The following RAD54L2 variants were observed in gnomAD, a reference collection of about 807,000 sequenced individuals.
RAD54L2 encodes the protein RAD54 like 2, also known as helicase ARIP4.
In RAD54L2, 27 loss-of-function variants were observed where a neutral mutation model predicts 138.4. The ratio of observed to expected loss-of-function variants is 0.20; its 90% CI spans 0.14 to 0.27. The LOEUF (loss-of-function observed/expected upper bound fraction) is 0.27, where lower values mean the gene tolerates loss of function less well. Ranked by LOEUF, RAD54L2 falls within the 10% of genes least tolerant of loss-of-function variation. The probability of loss-of-function intolerance (pLI) is 1.00; values close to 1 mark genes in which losing one functional copy is unlikely to be tolerated. For missense variants in RAD54L2, 1,396 were observed against 1,890.2 expected (o/e 0.74, Z 4.85); for synonymous variants, 644 against 723.2 (o/e 0.89, Z 1.76).
intron 3 of RAD54L2, among the ~76,000 whole-genome samples, chr3:51,623,800 C>T (rs974659556): frequency 6.6e-6 from 1 of 151,522 alleles, no homozygotes; most frequent in Non-Finnish European, 1.5e-5. Flanking sequence ...ACGGTGAAAC[C>T]CCATCTCTAC....
intron 7 of RAD54L2, among the ~76,000 whole-genome samples, chr3:51,631,409 G>C (rs1016893396): frequency 2.0e-5 from 3 of 150,576 alleles, no homozygotes; most frequent in Non-Finnish European, 4.4e-5. Flanking sequence ...CTCAGTTTAC[G>C]ATTAAGAACT....
intron 3 of RAD54L2, among the ~76,000 whole-genome samples, chr3:51,600,570 C>T (rs948462223): frequency 4.6e-5 from 7 of 152,178 alleles, no homozygotes; most frequent in Non-Finnish European, 1.5e-5. Flanking sequence ...TGTGATCATG[C>T]CACTGCACTC....
rs897331100 is a variant in RAD54L2 at position 51,666,408 on chromosome 3, G to C, written c.*2988G>C. On this transcript the variant is annotated 3_prime_UTR_variant, in exon 23 of 23. Transcript: ENST00000684192. ...TTCCACCCATTATCCAGGCCTGAGGGGGGCAGGGTGGCTGGTGATAAGAGG... is the reference window on the plus strand; with the variant it reads ...TTCCACCCATTATCCAGGCCTGAGGCGGGCAGGGTGGCTGGTGATAAGAGG... The C allele has an allele frequency of 6.6e-6, 1 of 151,948 alleles. No individual in the cohort carries two copies. The highest frequency in any genetic ancestry group is 6.5e-5 in the Admixed American group (1 of 15,276). 9.4% of individuals were successfully genotyped at this position (151,948 alleles called of 1,614,324 possible). A position where few individuals can be genotyped will look rare whatever the true frequency, so the allele number is the denominator to read the frequency against.
At chr3:51,592,003 T>A (rs1699848380) in intron 3 of RAD54L2, among the ~76,000 whole-genome samples, 1 of 151,492 alleles carries the variant, frequency 6.6e-6, no homozygotes, top group Non-Finnish European at 1.5e-5. Context: ...ATGACAAGAA[T>A]TTAATTGTGA....
chr3:51,563,841 TCAG>T (rs1284826022), intron 2 of RAD54L2, among the ~76,000 whole-genome samples: 1 of 152,184 alleles, frequency 6.6e-6, no homozygotes, highest in Non-Finnish European at 1.5e-5. Context: ...TGGTAGACTA[TCAG>T]CTTGTTCTCC....
intron 2 of RAD54L2, among the ~76,000 whole-genome samples, chr3:51,588,567 T>C (rs1699763954): frequency 6.6e-6 from 1 of 151,260 alleles, no homozygotes; most frequent in Admixed American, 6.6e-5. Context: ...AAAGAAAATT[T>C]GAAATATACA....
At position 51,645,713 on chromosome 3, in the gene RAD54L2, G is replaced by C. The variant is rs745850917; in HGVS notation, c.2779G>C (p.Glu927Gln). 3 of 1,612,866 alleles carry C rather than the reference G, an allele frequency of 1.9e-6. No individual in the cohort carries two copies. The East Asian group carries it at 6.7e-5, about 36-fold the overall frequency. ...TTCCTTGAACGTAAAGGGGATCAAGGAGTCAGTCCTGCAACTGGCCTGTCT... is the reference window on the plus strand; with the variant it reads ...TTCCTTGAACGTAAAGGGGATCAAGCAGTCAGTCCTGCAACTGGCCTGTCT... ...QVSLNVKGIK[E>Q]SVLQLACLKY... Residue 927 changes from glutamate to glutamine, a missense_variant, in exon 18 of 23, where the codon GAG becomes CAG. Physicochemically the swap from Glu to Gln is conservative, Grantham distance 29. Around this residue, in one of 7 missense-constraint regions of RAD54L2, gnomAD observed 634 missense variants for 711.2 expected, o/e 0.89. Coordinates refer to ENST00000684192, the MANE Select transcript of RAD54L2 (RefSeq NM_015106.4). This position sits in a 1 kb window ranked among gnomAD's most constrained non-coding sequence, Gnocchi z 6.1.
Position 51,652,333 on chromosome 3 carries a change from A to G in RAD54L2, c.3027-3638A>G, listed in dbSNP as rs148077633. On this transcript the variant is annotated intron_variant, in intron 19 of 22. Transcript: ENST00000684192. ...CCATGCTCAGAGATAGGAAGAATCA[A>G]CATCGTGAAAATGGCCATACTGCCC... Among the ~76,000 whole-genome samples, 522 of 152,356 alleles carry G rather than the reference A, an allele frequency of 3.4e-3. 3 individuals carry two copies. Among genetic ancestry groups the G allele is most frequent in the African/African-American group, 0.012 (490 of 41,576 alleles).
At chr3:51,590,835 A>G (rs1699823678) in intron 3 of RAD54L2, among the ~76,000 whole-genome samples, 1 of 152,200 alleles carries the variant, frequency 6.6e-6, no homozygotes, top group South Asian at 2.1e-4. Flanking sequence ...CGAGTGTTGC[A>G]TACTTGCCCA....
At chr3:51,581,868 A>G (rs1348433494) in intron 2 of RAD54L2, among the ~76,000 whole-genome samples, 1 of 151,974 alleles carries the variant, frequency 6.6e-6, no homozygotes, top group Admixed American at 6.6e-5. Flanking sequence ...AGTCTGAGGA[A>G]AGTGGACCCT....
chr3:51,570,718 G>A (rs1230067025), intron 2 of RAD54L2, among the ~76,000 whole-genome samples: 5 of 152,290 alleles, frequency 3.3e-5, no homozygotes, highest in African/African-American at 1.2e-4. Context: ...GCCTCCCAAA[G>A]TGCTGGGATT....
intron 1 of RAD54L2, among the ~76,000 whole-genome samples, chr3:51,540,119 C>T (rs1553671023): frequency 6.6e-6 from 1 of 152,166 alleles, no homozygotes; most frequent in East Asian, 1.9e-4. Flanking sequence ...ATGTAAGTTC[C>T]AGGCGTTTTC....
intron 2 of RAD54L2, among the ~76,000 whole-genome samples, chr3:51,575,356 TTAAAG>T (rs1226476609): frequency 6.6e-6 from 1 of 152,162 alleles, no homozygotes; most frequent in African/African-American, 2.4e-5. Flanking sequence ...CATATGAACT[TTAAAG>T]TAGTTTTTTT....
chr3:51,583,842 T>C (rs1577403355), intron 2 of RAD54L2, among the ~76,000 whole-genome samples: 1 of 149,698 alleles, frequency 6.7e-6, no homozygotes, highest in East Asian at 2.1e-4. Context: ...GCACTTTGAA[T>C]GGCTTTTTTT....
chr3:51,639,448 A>T lies in RAD54L2; in HGVS notation c.1890A>T (p.Glu630Asp). The change falls in exon 13 of 23, where the codon GAA becomes GAT. Residue 630 changes from glutamate to aspartate, a missense_variant. Physicochemically the swap from Glu to Asp is conservative, Grantham distance 45 (BLOSUM62 2). This residue lies in a region of RAD54L2 where 211 missense variants were observed against 273.8 expected (regional missense o/e 0.77). Coordinates refer to ENST00000684192, the MANE Select transcript of RAD54L2 (RefSeq NM_015106.4). ...KIWNHPDVLY[E>D]ALQKESLANE... ...GGAATCACCCTGATGTGCTGTATGA[A>T]GCCCTTCAGAAGGAGAGCTTGGCCA... 1 of 1,613,964 alleles carries T rather than the reference A, an allele frequency of 6.2e-7. No individual in the cohort carries two copies. The highest frequency in any genetic ancestry group is 8.5e-7 in the Non-Finnish European group (1 of 1,179,882).
At chr3:51,540,856 G>A (rs2108681427) in intron 1 of RAD54L2, among the ~76,000 whole-genome samples, 1 of 152,088 alleles carries the variant, frequency 6.6e-6, no homozygotes, top group South Asian at 2.1e-4. Context: ...GATTGAGCCT[G>A]CATGGCGAAA....
rs559291575 is a variant in RAD54L2, at chr3:51,668,602, G to A, written c.*5182G>A. On this transcript the variant is annotated 3_prime_UTR_variant, in exon 23 of 23. Transcript: ENST00000684192. ...AAGCAAACAGAACAATTGTAAGTCA[G>A]TATAACTGCCTATCAGTTTTCTTTA... 1 of 152,332 alleles carries A rather than the reference G, an allele frequency of 6.6e-6. No individual in the cohort carries two copies. Among genetic ancestry groups the A allele is most frequent in the Non-Finnish European group, 1.5e-5 (1 of 68,022 alleles). 9.4% of individuals were successfully genotyped at this position (152,332 alleles called of 1,614,324 possible). A position where few individuals can be genotyped will look rare whatever the true frequency, so the allele number is the denominator to read the frequency against.
intron 3 of RAD54L2, among the ~76,000 whole-genome samples, chr3:51,614,652 A>G (rs1276940996): frequency 6.6e-6 from 1 of 152,110 alleles, no homozygotes; most frequent in Non-Finnish European, 1.5e-5. Context: ...AGCTGGAAAT[A>G]TAGGCATGTG....
intron 2 of RAD54L2, among the ~76,000 whole-genome samples, chr3:51,551,415 G>A (rs1434148828): frequency 2.0e-5 from 3 of 151,828 alleles, no homozygotes; most frequent in Admixed American, 6.6e-5. Flanking sequence ...TTACAGGCAT[G>A]AGCCATCATG....
Sources: gnomAD v4.1 joint callset for allele counts (sites outside exome capture counted in the v4.1 genomes callset) on GRCh38, gnomAD v4.1.1 for gene constraint, gnomAD v4.1.1 regional missense constraint, Gnocchi (gnomAD v3.1) non-coding constraint, MANE v1.5 for transcripts, NCBI Gene and HGNC (gene_info 2026-07-23, HGNC 2026-07-21) for gene names.